Variants in ARHGAP32 observed in about 807,000 individuals in gnomAD.
The protein encoded by ARHGAP32 is rho GTPase-activating protein 32.
A neutral mutation model predicts 186.5 loss-of-function variants in ARHGAP32; 51 were observed. The ratio of observed to expected loss-of-function variants is 0.27; its 90% CI spans 0.22 to 0.35. The LOEUF (loss-of-function observed/expected upper bound fraction) is 0.35. ARHGAP32 is among the 10% of genes least tolerant of loss of function. ARHGAP32 has a pLI of 1.00. For missense variants in ARHGAP32, 2,186 were observed against 2,623.5 expected (o/e 0.83, Z 3.64); for synonymous variants, 950 against 964.3 (o/e 0.99, Z 0.27).
At chr11:129,208,179 A>C (rs79675360) in intron 1 of ARHGAP32, among the ~76,000 whole-genome samples, 1 of 152,194 alleles carries the variant, frequency 6.6e-6, no homozygotes. Context: ...TGGTCAGGAA[A>C]GAGGAAACAA....
At chr11:129,208,543 A>G (rs1033912108) in intron 1 of ARHGAP32, among the ~76,000 whole-genome samples, 1 of 152,196 alleles carries the variant, frequency 6.6e-6, no homozygotes, top group African/African-American at 2.4e-5. Flanking sequence ...GATCAAATAT[A>G]TCCACAAATT....
intron 11 of ARHGAP32, among the ~76,000 whole-genome samples, chr11:128,999,342 G>T (rs1006638904): frequency 6.6e-5 from 10 of 152,172 alleles, no homozygotes; most frequent in African/African-American, 2.4e-4. Context: ...AGTCAGACCG[G>T]TTCCCTGCTC....
chr11:129,079,055 CAA>C (rs1475323837), intron 6 of ARHGAP32, among the ~76,000 whole-genome samples: 2 of 151,850 alleles, frequency 1.3e-5, no homozygotes, highest in Non-Finnish European at 2.9e-5. Context: ...CCCAATCCAA[CAA>C]AGACAAAGGA....
In ARHGAP32 at chr11:129,086,798, G is replaced by A. The variant is rs570947440; in HGVS notation, c.531+6823C>T. ...ATTGCGCCACTGCACTCCAGCCTGGGCGACAGAGTGAGACTCCATCTCAAA... is the reference window on the plus strand; with the variant it reads ...ATTGCGCCACTGCACTCCAGCCTGGACGACAGAGTGAGACTCCATCTCAAA... On this transcript the variant is annotated intron_variant, in intron 6 of 22. Coordinates refer to ENST00000682385, the MANE Select transcript of ARHGAP32 (RefSeq NM_001378024.1). Among the ~76,000 whole-genome samples, 9 of 145,906 alleles carry A rather than the reference G, an allele frequency of 6.2e-5. No homozygotes were observed. In the South Asian group the frequency reaches 1.8e-3, roughly 28 times the overall value.
In ARHGAP32 at chr11:129,181,172, C is replaced by T. The variant is rs191206226; in HGVS notation, c.116+10911G>A. ...CGGTTTTTGTTTATTTCTTATTCTT[C>T]GCCAAATTTGGTTCTGGCTCTGCAA... On this transcript the variant is annotated intron_variant, in intron 1 of 22. Coordinates refer to ENST00000682385, the MANE Select transcript of ARHGAP32 (RefSeq NM_001378024.1). Among the ~76,000 whole-genome samples, 15 of 152,194 alleles carry T rather than the reference C, an allele frequency of 9.9e-5. No homozygotes were observed. The East Asian group carries it at 2.7e-3, about 27-fold the overall frequency.
chr11:129,031,809 T>C (rs905210882), intron 11 of ARHGAP32, among the ~76,000 whole-genome samples: 3 of 152,148 alleles, frequency 2.0e-5, no homozygotes, highest in African/African-American at 2.4e-5. Flanking sequence ...CTCCTTATCC[T>C]GTGCCCATAA....
At chr11:128,989,832 T>C (rs894754919) in intron 12 of ARHGAP32, among the ~76,000 whole-genome samples, 3 of 152,056 alleles carry the variant, frequency 2.0e-5, no homozygotes, top group Non-Finnish European at 2.9e-5. Context: ...GTTCTTGTGA[T>C]AGTTTGCTGA....
At chr11:129,097,993 G>GTTTCTCATTAGAAACT (rs1172199636) in intron 5 of ARHGAP32, among the ~76,000 whole-genome samples, 14 of 152,076 alleles carry the variant, frequency 9.2e-5, no homozygotes, top group African/African-American at 3.4e-4. Flanking sequence ...AACTTTAAAG[G>GTTTCTCATTAGAAACT]TCAAAAAACA....
At chr11:129,074,610 C>T (rs1452495519) in intron 6 of ARHGAP32, among the ~76,000 whole-genome samples, 1 of 152,116 alleles carries the variant, frequency 6.6e-6, no homozygotes, top group Non-Finnish European at 1.5e-5. Flanking sequence ...TCTCCTGCCT[C>T]AGCTTCCCTA....
At chr11:129,128,850 G>C (rs1178799254) in intron 2 of ARHGAP32, among the ~76,000 whole-genome samples, 5 of 152,230 alleles carry the variant, frequency 3.3e-5, no homozygotes, top group Non-Finnish European at 7.3e-5. Context: ...CTCCCGAGGT[G>C]CCGGGATTGC....
At chr11:129,264,558 G>T (rs552664088) in intron 1 of ARHGAP32, among the ~76,000 whole-genome samples, 17 of 152,198 alleles carry the variant, frequency 1.1e-4, no homozygotes, top group South Asian at 2.1e-4. Flanking sequence ...TAATAGGACA[G>T]ATGTTTATCA....
chr11:129,097,128 C>T (rs773872400), intron 5 of ARHGAP32, among the ~76,000 whole-genome samples: 9 of 151,158 alleles, frequency 6.0e-5, no homozygotes, highest in Admixed American at 5.3e-4. Flanking sequence ...AAAAAAATCA[C>T]AAGGCATATA....
intron 6 of ARHGAP32, among the ~76,000 whole-genome samples, chr11:129,067,091 C>T (rs1176967165): frequency 6.6e-6 from 1 of 151,946 alleles, no homozygotes; most frequent in African/African-American, 2.4e-5. Flanking sequence ...TCCACCATCC[C>T]TCTTCCTACT....
intron 5 of ARHGAP32, among the ~76,000 whole-genome samples, chr11:129,103,828 C>G (rs984445067): frequency 2.6e-5 from 4 of 151,844 alleles, no homozygotes; most frequent in Non-Finnish European, 4.4e-5. Context: ...AAAATATTCA[C>G]AAATAAAAAT....
chr11:129,140,248 G>A (rs752485663), intron 2 of ARHGAP32, among the ~76,000 whole-genome samples: 1 of 152,082 alleles, frequency 6.6e-6, no homozygotes, highest in African/African-American at 2.4e-5. Context: ...AGGGACCTCA[G>A]ATCTACAACC....
At chr11:129,057,063 G>A (rs1471624159) in intron 10 of ARHGAP32, among the ~76,000 whole-genome samples, 1 of 152,162 alleles carries the variant, frequency 6.6e-6, no homozygotes, top group Admixed American at 6.5e-5. Flanking sequence ...AGTTGACAGG[G>A]TTCACATGTA....
chr11:129,075,740 G>C (rs1217600333), intron 6 of ARHGAP32, among the ~76,000 whole-genome samples: 1 of 152,110 alleles, frequency 6.6e-6, no homozygotes, highest in African/African-American at 2.4e-5. Context: ...GTATCTTGGG[G>C]ACCACATTCT....
chr11:129,043,409 G>A (rs1024041479), intron 10 of ARHGAP32, among the ~76,000 whole-genome samples: 27 of 124,494 alleles, frequency 2.2e-4, no homozygotes, highest in South Asian at 1.6e-3. Flanking sequence ...TTTGCGCAAC[G>A]GAGGTTCGTT....
rs938863795 is a variant in ARHGAP32, at chr11:129,122,335, A to T, written c.444+1111T>A. ...GAGTTCATTCAACCTTGTAAAGATT[A>T]AAAAAAAAAGCAAAATAAATTAAGT... On this transcript the variant is annotated intron_variant, in intron 5 of 22. Coordinates refer to ENST00000682385, the MANE Select transcript of ARHGAP32 (RefSeq NM_001378024.1). Among the ~76,000 whole-genome samples the T allele has an allele frequency of 2.1e-3, 307 of 148,338 alleles. 4 individuals are homozygous for T. The highest frequency in any genetic ancestry group is 7.0e-3 in the African/African-American group (284 of 40,612).
Sources: allele counts gnomAD v4.1 joint callset (sites outside exome capture counted in the v4.1 genomes callset), GRCh38; gene constraint gnomAD v4.1.1; transcripts MANE v1.5; gene names NCBI Gene and HGNC (gene_info 2026-07-23, HGNC 2026-07-21).